Variants in CA10 observed in about 807,000 individuals in gnomAD.
CA10 encodes the protein carbonic anhydrase 10 (inactive).
In CA10, 14 loss-of-function variants were observed where a neutral mutation model predicts 44.2. That is an observed-to-expected ratio of 0.32 (90% confidence interval 0.21 to 0.50). The LOEUF (loss-of-function observed/expected upper bound fraction) is 0.50, where lower values mean the gene tolerates loss of function less well. Among genes scored for constraint, CA10 ranks in the 20% least tolerant of loss-of-function variants. CA10 has a pLI of 0.99. For synonymous variants in CA10, 159 were observed against 141.6 expected (o/e 1.12, Z -0.87); for missense variants, 350 against 409.7 (o/e 0.85, Z 1.26).
intron 3 of CA10, among the ~76,000 whole-genome samples, chr17:51,866,077 C>T (rs1979533705): frequency 6.6e-6 from 1 of 152,154 alleles, no homozygotes; most frequent in Non-Finnish European, 1.5e-5. Context: ...TGGCTATTGC[C>T]AAATAAACAA....
At chr17:51,926,938 G>C (rs1387884893) in intron 3 of CA10, among the ~76,000 whole-genome samples, 1 of 152,130 alleles carries the variant, frequency 6.6e-6, no homozygotes, top group Non-Finnish European at 1.5e-5. Flanking sequence ...AAATGAAATG[G>C]AAAGAGAGGT....
At position 51,785,358 on chromosome 17, in the gene CA10, A is replaced by G. The variant is rs547903901; in HGVS notation, c.280-37540T>C. Among the ~76,000 whole-genome samples, 8 of 152,368 alleles carry G rather than the reference A, an allele frequency of 5.3e-5. No homozygotes were observed. In the South Asian group the frequency reaches 6.2e-4, roughly 12 times the overall value. On this transcript the variant is annotated intron_variant, in intron 3 of 8. Transcript: ENST00000451037. ...AATCCAACTTAAAAATGAGCAAAAT[A>G]TTTGAATAGACATTTCTCAAAAGAA...
At chr17:51,837,108 A>G (rs545023749) in intron 3 of CA10, among the ~76,000 whole-genome samples, 1 of 152,236 alleles carries the variant, frequency 6.6e-6, no homozygotes, top group East Asian at 1.9e-4. Context: ...ACACACAAAC[A>G]CACATGCACA....
At position 51,730,388 on chromosome 17, in the gene CA10, A is replaced by G. The variant is rs77004530; in HGVS notation, c.465+17245T>C. The stretch of plus-strand genomic sequence containing the variant: ...TGGTCAGACTGTAATGTAGGAATCT[A>G]TTTTCCTTAGTTGGATTCCTTTTCT... On this transcript the variant is annotated intron_variant, in intron 4 of 8. Coordinates refer to ENST00000451037, the MANE Select transcript of CA10 (RefSeq NM_020178.5). Among the ~76,000 whole-genome samples, 200 of 152,210 alleles carry G rather than the reference A, an allele frequency of 1.3e-3. 4 individuals carry two copies. The East Asian group carries it at 0.031, about 24-fold the overall frequency.
chr17:51,710,911 C>T (rs1291891596), intron 4 of CA10, among the ~76,000 whole-genome samples: 1 of 122,760 alleles, frequency 8.1e-6, no homozygotes, highest in Non-Finnish European at 1.6e-5. Flanking sequence ...AAAGACTGAA[C>T]AACATTTTGC....
At chr17:52,142,495 T>A (rs562379373) in intron 1 of CA10, among the ~76,000 whole-genome samples, 1 of 152,306 alleles carries the variant, frequency 6.6e-6, no homozygotes, top group East Asian at 1.9e-4. Context: ...TTATAAAAAA[T>A]CACTGATGGG....
intron 3 of CA10, 54 bp from the exon 4 acceptor site, chr17:51,747,872 C>T: frequency 7.3e-7 from 1 of 1,370,958 alleles, no homozygotes; most frequent in Non-Finnish European, 1.0e-6. Flanking sequence ...CTATGCCTCC[C>T]CAAACCCAGC....
intron 1 of CA10, among the ~76,000 whole-genome samples, chr17:52,092,652 T>A (rs1158315988): frequency 6.6e-6 from 1 of 152,102 alleles, no homozygotes; most frequent in African/African-American, 2.4e-5. Context: ...CCACCTCCAT[T>A]CCTTTCCTGC....
At chr17:51,996,810 A>T (rs1297620642) in intron 2 of CA10, among the ~76,000 whole-genome samples, 1 of 152,032 alleles carries the variant, frequency 6.6e-6, no homozygotes, top group Non-Finnish European at 1.5e-5. Context: ...GGTACCCCAA[A>T]TGAGAGCAAA....
intron 3 of CA10, among the ~76,000 whole-genome samples, chr17:51,881,156 C>T (rs1228648248): frequency 2.0e-5 from 3 of 147,090 alleles, no homozygotes; most frequent in Non-Finnish European, 3.0e-5. Context: ...AGAAGAATGG[C>T]GTGAACCTGG....
chr17:51,919,884 C>T (rs563627871), intron 3 of CA10, among the ~76,000 whole-genome samples: 28 of 152,228 alleles, frequency 1.8e-4, no homozygotes, highest in African/African-American at 6.3e-4. Flanking sequence ...GAACTCCTGA[C>T]CCCATGATCT....
intron 3 of CA10, among the ~76,000 whole-genome samples, chr17:51,812,498 T>C (rs1165562652): frequency 6.6e-6 from 1 of 152,140 alleles, no homozygotes; most frequent in Non-Finnish European, 1.5e-5. Flanking sequence ...CTTTCTCCAG[T>C]TGATTGGTAA....
intron 2 of CA10, among the ~76,000 whole-genome samples, chr17:52,058,347 T>A (rs1435459289): frequency 6.6e-6 from 1 of 152,152 alleles, no homozygotes; most frequent in Non-Finnish European, 1.5e-5. Context: ...AATACAAAAT[T>A]TTATTTTTAC....
At chr17:51,845,511 T>C (rs1978453752) in intron 3 of CA10, among the ~76,000 whole-genome samples, 1 of 152,218 alleles carries the variant, frequency 6.6e-6, no homozygotes, top group Non-Finnish European at 1.5e-5. Context: ...CCACAGAAAC[T>C]GTGTGAAACT....
intron 3 of CA10, among the ~76,000 whole-genome samples, chr17:51,810,024 C>G (rs1367060697): frequency 1.3e-5 from 2 of 152,028 alleles, no homozygotes; most frequent in African/African-American, 4.8e-5. Context: ...ATCATGAGGC[C>G]AAAACATGGG....
intron 3 of CA10, among the ~76,000 whole-genome samples, chr17:51,802,707 A>C (rs1445333613): frequency 7.9e-5 from 12 of 152,128 alleles, no homozygotes; most frequent in Non-Finnish European, 1.5e-4. Flanking sequence ...GGATGTCCCC[A>C]GAGTGTCCCC....
intron 1 of CA10, among the ~76,000 whole-genome samples, chr17:52,135,544 A>G (rs1375700743): frequency 1.3e-5 from 2 of 152,064 alleles, no homozygotes; most frequent in African/African-American, 4.8e-5. Context: ...AGCTTATTAA[A>G]TATGTATATT....
At chr17:51,875,537 T>C (rs1268099543) in intron 3 of CA10, among the ~76,000 whole-genome samples, 2 of 152,244 alleles carry the variant, frequency 1.3e-5, no homozygotes, top group African/African-American at 4.8e-5. Flanking sequence ...GAAGGCTGTT[T>C]CTGCAGTCAT....
chr17:51,633,131 T>C (rs1263124579), intron 8 of CA10, among the ~76,000 whole-genome samples: 1 of 152,164 alleles, frequency 6.6e-6, no homozygotes, highest in African/African-American at 2.4e-5. Context: ...TCTTGCCTGA[T>C]CTACAGGGGT....
Sources: gnomAD v4.1 joint callset for allele counts (sites outside exome capture counted in the v4.1 genomes callset) on GRCh38, gnomAD v4.1.1 for gene constraint, MANE v1.5 for transcripts, NCBI Gene and HGNC (gene_info 2026-07-23, HGNC 2026-07-21) for gene names.